PALM: variants seen among roughly 807,000 people sequenced by gnomAD.
PALM encodes paralemmin.
A neutral mutation model predicts 30.7 loss-of-function variants in PALM; 18 were observed. The observed-to-expected ratio is 0.59, with a 90% CI of 0.41 to 0.87. The LOEUF is 0.87. Among genes scored for constraint, PALM ranks in the 40% least tolerant of loss-of-function variants. The probability of loss-of-function intolerance (pLI) is 0.00; values close to 1 mark genes in which losing one functional copy is unlikely to be tolerated. For missense variants in PALM, 529 were observed against 555.4 expected (o/e 0.95, Z 0.48); for synonymous variants, 286 against 242.8 (o/e 1.18, Z -1.66).
At chr19:731,270 G>A (rs2032867006) in intron 5 of PALM, 25 bp downstream of exon 5, 1 of 1,576,454 alleles carries the variant, frequency 6.3e-7, no homozygotes, top group East Asian at 2.3e-5. Flanking sequence ...GGGGGGAGCG[G>A]ATCCCCAGGC....
In PALM at chr19:727,084, T is replaced by G; in HGVS notation, c.134T>G (p.Leu45Arg). The G allele has an allele frequency of 6.8e-7, 1 of 1,474,886 alleles. No individual in the cohort carries two copies. Among genetic ancestry groups the G allele is most frequent in the Non-Finnish European group, 9.1e-7 (1 of 1,098,558 alleles). 91.4% of individuals were successfully genotyped at this position (1,474,886 alleles called of 1,614,324 possible). ...GACGAGCGGAGGCAGCTGCAGCACC[T>G]GAAGGTACGAGCGGGGCAGGGACCC... is the stretch of plus-strand genomic sequence containing the variant. ...LEDERRQLQHLKSKALRERWL... is the reference protein window; with the variant it reads ...LEDERRQLQHRKSKALRERWL... The change falls in exon 3 of 9, where the codon CTG becomes CGG. Residue 45 changes from leucine (L) to arginine (R), a missense_variant. By Grantham distance (102) the Leu-to-Arg change is moderately radical (BLOSUM62 -2). Coordinates refer to ENST00000338448, the MANE Select transcript of PALM (RefSeq NM_002579.3).
chr19:718,502 G>T (rs1399359474), intron 1 of PALM, among the ~76,000 whole-genome samples: 1 of 152,168 alleles, frequency 6.6e-6, no homozygotes, highest in Non-Finnish European at 1.5e-5. Flanking sequence ...CCCCGTTCAC[G>T]CCTCACTGCC....
chr19:736,655 G>C (rs1599161825), intron 7 of PALM, among the ~76,000 whole-genome samples: 1 of 152,104 alleles, frequency 6.6e-6, no homozygotes, highest in East Asian at 1.9e-4. Flanking sequence ...TGGGACCTCA[G>C]TACGCCATCC....
chr19:721,983 A>G (rs749605857), intron 1 of PALM, among the ~76,000 whole-genome samples: 7 of 151,768 alleles, frequency 4.6e-5, no homozygotes, highest in East Asian at 1.9e-4. Context: ...CAGTGGCGCA[A>G]TCTCGGCTCA....
In PALM at chr19:747,002, A is replaced by T; in HGVS notation, c.*188A>T. The T allele has an allele frequency of 1.7e-6, 1 of 587,936 alleles. No individual in the cohort carries two copies. The highest frequency in any genetic ancestry group is 3.0e-6 in the Non-Finnish European group (1 of 330,140). The allele number at this position is 587,936 out of a possible 1,614,324, so 36.4% of individuals were successfully genotyped here. ...GGCCCCCACCCGTCACCACGCCCCA[A>T]CACTCCCCCCGAACCAGAGCCGTGC... On this transcript the variant is annotated 3_prime_UTR_variant, in exon 9 of 9. Coordinates refer to ENST00000338448, the MANE Select transcript of PALM (RefSeq NM_002579.3).
At chr19:723,871 C>T (rs1173020093) in intron 1 of PALM, among the ~76,000 whole-genome samples, 1 of 152,198 alleles carries the variant, frequency 6.6e-6, no homozygotes, top group African/African-American at 2.4e-5. Context: ...GCTGGGATTA[C>T]AGGCGTGAGC....
rs530808879 is a variant in PALM, at chr19:742,326, C to T, written c.634+1843C>T. On this transcript the variant is annotated intron_variant, in intron 8 of 8. Coordinates refer to ENST00000338448, the MANE Select transcript of PALM (RefSeq NM_002579.3). This position sits in a 1 kb window ranked among gnomAD's most constrained non-coding sequence, Gnocchi z 5.5. ...TTTCATAGAAATGAGATCACACGGC[C>T]GGGTGCGGTGGCTCACACCTGTAAT... Among the ~76,000 whole-genome samples, 171 of 152,096 alleles carry T rather than the reference C, an allele frequency of 1.1e-3. No homozygotes were observed. The highest frequency in any genetic ancestry group is 1.7e-3 in the Non-Finnish European group (115 of 67,994).
chr19:715,322 C>G (rs917443141), intron 1 of PALM, among the ~76,000 whole-genome samples: 4 of 152,054 alleles, frequency 2.6e-5, no homozygotes, highest in African/African-American at 9.7e-5. Flanking sequence ...CCCCTGTTTC[C>G]TCTCATCCTT....
intron 1 of PALM, among the ~76,000 whole-genome samples, chr19:712,275 G>C (rs182594650): frequency 9.3e-4 from 142 of 151,924 alleles, no homozygotes; most frequent in South Asian, 7.3e-3. Context: ...CGCCTGCCTC[G>C]GCCTCCCCAA....
Position 727,549 on chromosome 19 carries a change from A to T in PALM, c.139-15A>T, listed in dbSNP as rs753551403. 1 of 1,581,152 alleles carries T rather than the reference A, an allele frequency of 6.3e-7. No individual in the cohort carries two copies. The highest frequency in any genetic ancestry group is 8.6e-7 in the Non-Finnish European group (1 of 1,163,416). ...GGTCCTGCCCACGACTCTGACCTGGATCCCTGCTGCTCAGTCCAAGGCACT... is the reference window on the plus strand; with the variant it reads ...GGTCCTGCCCACGACTCTGACCTGGTTCCCTGCTGCTCAGTCCAAGGCACT... On this transcript the variant is annotated splice_polypyrimidine_tract_variant and intron_variant, in intron 3 of 8. Coordinates refer to ENST00000338448, the MANE Select transcript of PALM (RefSeq NM_002579.3).
chr19:723,059 C>T (rs564870760), intron 1 of PALM, among the ~76,000 whole-genome samples: 135 of 151,784 alleles, frequency 8.9e-4, no homozygotes, highest in Non-Finnish European at 1.7e-3. Context: ...GGTCTTGACC[C>T]GGAGCAGCCT....
intron 1 of PALM, among the ~76,000 whole-genome samples, chr19:723,376 C>T (rs1342797790): frequency 6.6e-6 from 1 of 152,014 alleles, no homozygotes; most frequent in East Asian, 1.9e-4. Context: ...AACCTGTCTC[C>T]CACCCCTCAC....
In PALM at chr19:746,681, A is replaced by C; in HGVS notation, c.1031A>C (p.Asn344Thr). 2 of 1,610,746 alleles carry C rather than the reference A, an allele frequency of 1.2e-6. No homozygotes were observed. The highest frequency in any genetic ancestry group is 1.7e-6 in the Non-Finnish European group (2 of 1,179,128). ...GAGCCCAAGGAGCCTGCACCACCCA[A>C]CGGCAGTGCTGCCGAGCCTCCCACG... ...AAEPKEPAPPNGSAAEPPTEA... is the reference protein window; with the variant it reads ...AAEPKEPAPPTGSAAEPPTEA... Residue 344 changes from asparagine (N) to threonine (T), a missense_variant, in exon 9 of 9, where the codon AAC becomes ACC. Transcript: ENST00000338448. The surrounding 1 kb of genome is among the most constrained non-coding windows in gnomAD (Gnocchi z 7.1).
intron 1 of PALM, among the ~76,000 whole-genome samples, chr19:719,995 G>A (rs2032405428): frequency 1.3e-5 from 2 of 152,160 alleles, no homozygotes; most frequent in Non-Finnish European, 2.9e-5. Flanking sequence ...CGGCGTCGGG[G>A]GCGGGTCCAC....
rs2032004004 is a variant in PALM at position 709,622 on chromosome 19, G to GCT, written c.5+472_5+473insTC. Among the ~76,000 whole-genome samples, 1 of 152,024 alleles carries GCT rather than the reference G, an allele frequency of 6.6e-6. No individual in the cohort carries two copies. Among genetic ancestry groups the GCT allele is most frequent in the African/African-American group, 2.4e-5 (1 of 41,412 alleles). ...CCTGGCGCCCTGGACGCGCGCGCGGGCCGGTGCCCCCCACCCCCGCCCTTC... is the reference window on the plus strand; with the variant it reads ...CCTGGCGCCCTGGACGCGCGCGCGGGCTCCGGTGCCCCCCACCCCCGCCCTTC... On this transcript the variant is annotated intron_variant, in intron 1 of 8. Coordinates refer to ENST00000338448, the MANE Select transcript of PALM (RefSeq NM_002579.3). The surrounding 1 kb of genome is among the most constrained non-coding windows in gnomAD (Gnocchi z 4.3).
Position 729,953 on chromosome 19 carries a change from G to A in PALM, c.270-1142G>A, listed in dbSNP as rs561494976. On this transcript the variant is annotated intron_variant, in intron 4 of 8. Coordinates refer to ENST00000338448, the MANE Select transcript of PALM (RefSeq NM_002579.3). ...GGGCACACTGGTGTTCTTTTCACGC[G>A]GCCCTAGTGGGCACAGGCTCAGGCC... 9.2e-5 allele frequency among the ~76,000 whole-genome samples: 14 copies of A among 152,290 alleles called. No homozygotes were observed. In the East Asian group the frequency reaches 2.5e-3, roughly 27 times the overall value.
At chr19:727,317 C>T (rs1422279514) in intron 3 of PALM, among the ~76,000 whole-genome samples, 4 of 150,182 alleles carry the variant, frequency 2.7e-5, no homozygotes, top group Non-Finnish European at 5.9e-5. Context: ...TGACCCTGAT[C>T]TCAGTCCTGA....
chr19:732,680 C>A (rs564286871), intron 5 of PALM, among the ~76,000 whole-genome samples: 135 of 151,780 alleles, frequency 8.9e-4, no homozygotes, highest in Non-Finnish European at 1.7e-3. Context: ...GGAGACAGAG[C>A]AAGATTCTTT....
rs555314602 is a variant in PALM at position 736,165 on chromosome 19, G to A, written c.502+87G>A. ...CCGGGGGGCCGGGTGGGGCGGGGGC[G>A]ACACCGACCTGCTCTCCGCAGCGTC... is the stretch of plus-strand genomic sequence containing the variant. On this transcript the variant is annotated intron_variant, in intron 7 of 8. Transcript: ENST00000338448. 6.7e-4 allele frequency: 590 copies of A among 874,478 alleles called. 5 individuals carry two copies. The highest frequency in any genetic ancestry group is 6.0e-5 in the Non-Finnish European group (33 of 547,058). 54.2% of individuals were successfully genotyped at this position (874,478 alleles called of 1,614,324 possible).
Sources: gnomAD v4.1 joint callset for allele counts (sites outside exome capture counted in the v4.1 genomes callset) on GRCh38, gnomAD v4.1.1 for gene constraint, Gnocchi (gnomAD v3.1) non-coding constraint, MANE v1.5 for transcripts, NCBI Gene and HGNC (gene_info 2026-07-23, HGNC 2026-07-21) for gene names.